The following KASH5 variants were observed in gnomAD, a reference collection of about 807,000 sequenced individuals.
KASH5 encodes the protein KASH domain containing 5.
Under a neutral mutation model 84.2 loss-of-function variants are expected in KASH5, and 72 were observed. The ratio of observed to expected loss-of-function variants is 0.85; its 90% CI spans 0.71 to 1.04. The LOEUF is 1.04. KASH5 is among the 50% of genes least tolerant of loss of function. The pLI is 0.00. For missense variants in KASH5, 650 were observed against 701.0 expected (o/e 0.93, Z 0.82); for synonymous variants, 260 against 279.1 (o/e 0.93, Z 0.68).
In KASH5 at chr19:49,399,406, G is replaced by A; in HGVS notation, c.748-51G>A. 1 of 1,557,076 alleles carries A rather than the reference G, an allele frequency of 6.4e-7. No individual in the cohort carries two copies. The highest frequency in any genetic ancestry group is 8.8e-7 in the Non-Finnish European group (1 of 1,140,242). On this transcript the variant is annotated intron_variant, in intron 8 of 19. Transcript: ENST00000447857. The surrounding 1 kb of genome is among the most constrained non-coding windows in gnomAD (Gnocchi z 4.4). ...CAGGGGTGGGAGAAGGGCAACATGG[G>A]GGCAAGGAGGCTAGAAATGAAACCT... is the stretch of plus-strand genomic sequence containing the variant.
intron 2 of KASH5, among the ~76,000 whole-genome samples, chr19:49,392,513 T>C (rs1300507154): frequency 1.1e-4 from 17 of 152,182 alleles, no homozygotes; most frequent in Admixed American, 1.1e-3. Flanking sequence ...CAGCACGACC[T>C]GATGCCAGTC....
Position 49,409,239 on chromosome 19 carries a change from C to G in KASH5, c.1102C>G (p.Leu368Val). The change falls in exon 14 of 20, where the codon CTG (leucine) becomes GTG (valine). Residue 368 changes from leucine to valine, a missense_variant. Leu to Val is a conservative substitution (Grantham distance 32). Coordinates refer to ENST00000447857, the MANE Select transcript of KASH5 (RefSeq NM_144688.5). ...AQLRRVGWTE[L>V]LPPSLGLEIE... ...GCTGAGAAGAGTGGGCTGGACCGAGCTGCTACCCCCATCGCTGGGCTTGGA... is the reference window on the plus strand; with the variant it reads ...GCTGAGAAGAGTGGGCTGGACCGAGGTGCTACCCCCATCGCTGGGCTTGGA... The G allele has an allele frequency of 6.2e-7, 1 of 1,613,968 alleles. No individual in the cohort carries two copies. The highest frequency in any genetic ancestry group is 1.1e-5 in the South Asian group (1 of 91,078).
intron 11 of KASH5, 104 bp downstream of exon 11, chr19:49,407,400 G>A: frequency 7.6e-7 from 1 of 1,310,752 alleles, no homozygotes; most frequent in South Asian, 1.3e-5. Context: ...ATCCTTGGAT[G>A]TGCAGCTGGA....
At chr19:49,390,639 T>A in intron 1 of KASH5, 150 bp from the exon 2 acceptor site, 4 of 233,366 alleles carry the variant, frequency 1.7e-5, no homozygotes, top group Non-Finnish European at 3.3e-5. Flanking sequence ...CTCCAATCCA[T>A]AAAACAGGTC....
In KASH5 at chr19:49,414,745, TCCGTGCTGCCTGGCCTCCC is replaced by T. The variant is rs1441600578; in HGVS notation, c.1329-203_1329-185del. Among the ~76,000 whole-genome samples the T allele has an allele frequency of 2.9e-5, 4 of 136,536 alleles. No individual in the cohort carries two copies. Among genetic ancestry groups the T allele is most frequent in the East Asian group, 2.2e-4 (1 of 4,452 alleles). The allele number at this position is 136,536 out of a possible 152,430, so 89.6% of individuals were successfully genotyped here. A position where few individuals can be genotyped will look rare whatever the true frequency, so the allele number is the denominator to read the frequency against. ...TGCTGCCTGGCCTCCCCCAGGCCCG[TCCGTGCTGCCTGGCCTCCC>T]CCAGGCCCGTCCGTGCTGCCTGGCC... On this transcript the variant is annotated intron_variant, in intron 16 of 19. Coordinates refer to ENST00000447857, the MANE Select transcript of KASH5 (RefSeq NM_144688.5). This position sits in a 1 kb window ranked among gnomAD's most constrained non-coding sequence, Gnocchi z 4.5.
At position 49,412,096 on chromosome 19, in the gene KASH5, G is replaced by T. The variant is rs1217292798; in HGVS notation, c.1270-872G>T. ...CTAGTGAGAGATGAGGCCAGGGCCA[G>T]ATCATGAAAGGAAATCTCTGACAAG... On this transcript the variant is annotated intron_variant, in intron 15 of 19. Coordinates refer to ENST00000447857, the MANE Select transcript of KASH5 (RefSeq NM_144688.5). This position sits in a 1 kb window ranked among gnomAD's most constrained non-coding sequence, Gnocchi z 4.6. Among the ~76,000 whole-genome samples the T allele has an allele frequency of 1.3e-5, 2 of 152,258 alleles. No individual in the cohort carries two copies. The highest frequency in any genetic ancestry group is 3.4e-3 in the Middle Eastern group (1 of 292).
chr19:49,392,207 A>T (rs889917624), intron 2 of KASH5, among the ~76,000 whole-genome samples: 2 of 152,154 alleles, frequency 1.3e-5, no homozygotes, highest in Admixed American at 6.5e-5. Flanking sequence ...AGAGGAAGGA[A>T]AGAGAAGACT....
At position 49,409,865 on chromosome 19, in the gene KASH5, C is replaced by G. The variant is rs761338830; in HGVS notation, c.1259C>G (p.Ala420Gly). The change falls in exon 15 of 20, where the codon GCT (alanine) becomes GGT (glycine). Residue 420 changes from alanine to glycine, a missense_variant. Ala to Gly is a moderately conservative substitution (Grantham distance 60). Coordinates refer to ENST00000447857, the MANE Select transcript of KASH5 (RefSeq NM_144688.5). ...EETEFPSEAP[A>G]GGQRNFQGEP... ...ACTGAGTTTCCATCTGAAGCCCCAG[C>G]TGGGGGACAGGTGAGCACAGGAAAA... The G allele has an allele frequency of 1.2e-6, 2 of 1,613,708 alleles. No individual in the cohort carries two copies. The highest frequency in any genetic ancestry group is 8.5e-7 in the Non-Finnish European group (1 of 1,179,730).
chr19:49,417,478 C>T lies in KASH5; in HGVS notation c.1657C>T (p.Gln553Ter). ...PSPPPTWPHL[Q>*]LCYLQPPPV ...CCCACCTCCCACCTGGCCCCACCTC[C>T]AGCTCTGCTACCTCCAGCCCCCTCC... The change falls in exon 20 of 20, where the codon CAG becomes TAG. Residue 553 changes from glutamine (Q) to a stop codon, truncating the protein, a stop_gained. Coordinates refer to ENST00000447857, the MANE Select transcript of KASH5 (RefSeq NM_144688.5). LOFTEE classifies it high-confidence loss of function. This position sits in a 1 kb window ranked among gnomAD's most constrained non-coding sequence, Gnocchi z 5.2. 6.4e-7 allele frequency: 1 copy of T among 1,551,928 alleles called. No individual in the cohort carries two copies. The highest frequency in any genetic ancestry group is 1.2e-5 in the South Asian group (1 of 83,944).
At position 49,395,626 on chromosome 19, in the gene KASH5, C is replaced by T. The variant is rs1422532797; in HGVS notation, c.336-143C>T. 2 of 793,344 alleles carry T rather than the reference C, an allele frequency of 2.5e-6. No homozygotes were observed. Among genetic ancestry groups the T allele is most frequent in the Non-Finnish European group, 4.1e-6 (2 of 490,904 alleles). The allele number at this position is 793,344 out of a possible 1,614,324, so 49.1% of individuals were successfully genotyped here. A position where few individuals can be genotyped will look rare whatever the true frequency, so the allele number is the denominator to read the frequency against. The stretch of plus-strand genomic sequence containing the variant: ...TTTCCATCTGGCCACGGGCACTTGC[C>T]ATCTGGCCTCACCCTCCTACCCTGT... On this transcript the variant is annotated intron_variant, in intron 4 of 19. Coordinates refer to ENST00000447857, the MANE Select transcript of KASH5 (RefSeq NM_144688.5). This position sits in a 1 kb window ranked among gnomAD's most constrained non-coding sequence, Gnocchi z 4.4.
intron 16 of KASH5, among the ~76,000 whole-genome samples, chr19:49,413,722 G>T (rs1974801473): frequency 6.6e-6 from 1 of 152,136 alleles, no homozygotes; most frequent in Non-Finnish European, 1.5e-5. Flanking sequence ...GTTTCCAGAG[G>T]TCAGGGGCAG....
rs1193518849 is a variant in KASH5 at position 49,391,018 on chromosome 19, G to A, written c.43+92G>A. On this transcript the variant is annotated intron_variant, in intron 2 of 19. Transcript: ENST00000447857. ...GGCTGTGACTCGGGGACTTGGGAGA[G>A]GTGGCTGGGGGTGGCTGAGCCTTTG... 2.9e-6 allele frequency: 4 copies of A among 1,374,806 alleles called. No individual in the cohort carries two copies. In the Admixed American group the frequency reaches 8.2e-5, roughly 28 times the overall value. 85.2% of individuals were successfully genotyped at this position (1,374,806 alleles called of 1,614,324 possible). A position where few individuals can be genotyped will look rare whatever the true frequency, so the allele number is the denominator to read the frequency against.
intron 2 of KASH5, among the ~76,000 whole-genome samples, chr19:49,391,194 C>T (rs75475537): frequency 6.6e-6 from 1 of 152,132 alleles, no homozygotes; most frequent in Non-Finnish European, 1.5e-5. Context: ...ATTCAGATCG[C>T]GGCCCAGATG....
chr19:49,402,165 C>A (rs146995931), intron 9 of KASH5, among the ~76,000 whole-genome samples: 4,963 of 151,672 alleles, frequency 0.033, 253 homozygotes, highest in African/African-American at 0.11. Context: ...TCGCTTGAAC[C>A]CAGGAGGCAG....
chr19:49,412,631 C>T lies in KASH5; in HGVS notation c.1270-337C>T, dbSNP rs577454235. ...GGTTGGACAGGGAAATGCTGATCTC[C>T]TCTGGGACCCAGATAAGTGTACGAG... is the stretch of plus-strand genomic sequence containing the variant. On this transcript the variant is annotated intron_variant, in intron 15 of 19. Coordinates refer to ENST00000447857, the MANE Select transcript of KASH5 (RefSeq NM_144688.5). The surrounding 1 kb of genome is among the most constrained non-coding windows in gnomAD (Gnocchi z 4.6). 6.6e-5 allele frequency among the ~76,000 whole-genome samples: 10 copies of T among 152,262 alleles called. No homozygotes were observed. Among genetic ancestry groups the T allele is most frequent in the African/African-American group, 2.4e-4 (10 of 41,548 alleles).
chr19:49,411,235 G>GCT (rs570003620), intron 15 of KASH5, among the ~76,000 whole-genome samples: 2 of 152,024 alleles, frequency 1.3e-5, no homozygotes, highest in East Asian at 1.9e-4. Context: ...ACTGCTCTGG[G>GCT]CTCTCTCTCT....
At chr19:49,396,254 T>TGG (rs1974176608) in intron 5 of KASH5, among the ~76,000 whole-genome samples, 2 of 94,132 alleles carry the variant, frequency 2.1e-5, no homozygotes, top group South Asian at 4.4e-4. Flanking sequence ...TTTTTTTTTT[T>TGG]TTTTTTTTTT....
chr19:49,413,542 C>A lies in KASH5; in HGVS notation c.1328+516C>A, dbSNP rs570627823. Among the ~76,000 whole-genome samples, 3 of 152,280 alleles carry A rather than the reference C, an allele frequency of 2.0e-5. No homozygotes were observed. In the South Asian group the frequency reaches 6.2e-4, roughly 32 times the overall value. ...CTCCCCTCTTTCAGGCTCCCAGCTG[C>A]GGCTACTAATGAGGCTGCCTGCCAA... On this transcript the variant is annotated intron_variant, in intron 16 of 19. Transcript: ENST00000447857.
chr19:49,396,127 A>G (rs1439208339), intron 5 of KASH5, among the ~76,000 whole-genome samples: 2 of 152,076 alleles, frequency 1.3e-5, no homozygotes, highest in Admixed American at 6.5e-5. Flanking sequence ...ACTCTAGTCC[A>G]GGAATTCACA....
Sources: allele counts gnomAD v4.1 joint callset (sites outside exome capture counted in the v4.1 genomes callset), GRCh38; gene constraint gnomAD v4.1.1; non-coding constraint Gnocchi (gnomAD v3.1); transcripts MANE v1.5; gene names NCBI Gene and HGNC (gene_info 2026-07-23, HGNC 2026-07-21).